The following RPRD2 variants were observed in gnomAD, a reference collection of about 807,000 sequenced individuals.
RPRD2 encodes the protein regulation of nuclear pre-mRNA domain containing 2, also known as regulation of nuclear pre-mRNA domain-containing protein 2.
A neutral mutation model predicts 104.4 loss-of-function variants in RPRD2; 12 were observed. The ratio of observed to expected loss-of-function variants is 0.11; its 90% CI spans 0.07 to 0.19. RPRD2 has a LOEUF of 0.19. Among genes scored for constraint, RPRD2 ranks in the 10% least tolerant of loss-of-function variants. RPRD2 has a pLI of 1.00. For missense variants in RPRD2, 1,543 were observed against 1,790.1 expected (o/e 0.86, Z 2.49); for synonymous variants, 714 against 684.9 (o/e 1.04, Z -0.66).
intron 7 of RPRD2, among the ~76,000 whole-genome samples, chr1:150,450,745 C>G (rs1667111422): frequency 6.6e-6 from 1 of 151,732 alleles, no homozygotes; most frequent in African/African-American, 2.4e-5. Context: ...CTCAGCCTCC[C>G]GAATAGGTGG....
intron 1 of RPRD2, among the ~76,000 whole-genome samples, chr1:150,393,225 T>C (rs1415686446): frequency 6.6e-6 from 1 of 151,594 alleles, no homozygotes; most frequent in Non-Finnish European, 1.5e-5. Context: ...ATCACAGCAT[T>C]TCAGGAGGGT....
chr1:150,409,047 T>C (rs1214900978), intron 1 of RPRD2: 2 of 152,218 alleles, frequency 1.3e-5, no homozygotes, highest in African/African-American at 4.8e-5. Context: ...AAGGTAGACA[T>C]AAAATGTAAA....
intron 1 of RPRD2, among the ~76,000 whole-genome samples, chr1:150,412,030 C>T (rs1282699084): frequency 2.7e-5 from 4 of 145,722 alleles, no homozygotes; most frequent in African/African-American, 7.5e-5. Flanking sequence ...GGCTGAGGCA[C>T]AAGAATCACT....
intron 1 of RPRD2, among the ~76,000 whole-genome samples, chr1:150,399,698 G>A (rs1484111951): frequency 6.6e-6 from 1 of 151,674 alleles, no homozygotes; most frequent in South Asian, 2.1e-4. Flanking sequence ...CAGAGGTTGC[G>A]GTGAGCAGAG....
chr1:150,460,160 A>G lies in RPRD2; in HGVS notation c.1254A>G (p.Pro418=), dbSNP rs781879488. 257 of 1,613,882 alleles carry G rather than the reference A, an allele frequency of 1.6e-4. No individual in the cohort carries two copies. The highest frequency in any genetic ancestry group is 2.1e-4 in the Non-Finnish European group (242 of 1,179,886). Residue 418 remains proline (P), a synonymous_variant, in exon 9 of 11, where the codon CCA becomes CCG. Transcript: ENST00000369068. The stretch of plus-strand genomic sequence containing the variant: ...TCTCAAAGGCCTCTTCATGTACCCC[A>G]GTGCCTGTGACCATGACAGCAACTC... The part of the protein sequence containing the change: ...ENISKASSCT[P]VPVTMTATPP...
At chr1:150,369,231 G>A (rs1211416430) in intron 1 of RPRD2, among the ~76,000 whole-genome samples, 1 of 152,250 alleles carries the variant, frequency 6.6e-6, no homozygotes, top group South Asian at 2.1e-4. Context: ...TGGACTTGAT[G>A]TGCAATTTGC....
intron 7 of RPRD2, among the ~76,000 whole-genome samples, chr1:150,449,214 A>G (rs1020252859): frequency 2.0e-5 from 3 of 152,254 alleles, no homozygotes; most frequent in East Asian, 3.8e-4. Context: ...TTCAGCTTTT[A>G]GGAAATGTAT....
At chr1:150,413,225 G>A (rs1258494284) in intron 1 of RPRD2, among the ~76,000 whole-genome samples, 1 of 152,058 alleles carries the variant, frequency 6.6e-6, no homozygotes, top group African/African-American at 2.4e-5. Flanking sequence ...ATAGGTGTAG[G>A]GGGATAAGGA....
chr1:150,365,543 A>G (rs898446533), intron 1 of RPRD2, among the ~76,000 whole-genome samples: 5 of 152,194 alleles, frequency 3.3e-5, no homozygotes, highest in Non-Finnish European at 5.9e-5. Context: ...CAACTGCGAT[A>G]CAGTAGTCAG....
At chr1:150,401,886 G>A (rs782064317) in intron 1 of RPRD2, among the ~76,000 whole-genome samples, 11 of 150,874 alleles carry the variant, frequency 7.3e-5, no homozygotes, top group African/African-American at 1.7e-4. Flanking sequence ...CTCGTGATCC[G>A]CCTGCCTTGG....
intron 10 of RPRD2, among the ~76,000 whole-genome samples, chr1:150,468,896 C>T (rs1378986485): frequency 6.7e-6 from 1 of 149,890 alleles, no homozygotes; most frequent in Non-Finnish European, 1.5e-5. Flanking sequence ...AAAAAGGAAA[C>T]TATTAGTAGG....
chr1:150,439,297 G>C (rs1666247424), intron 2 of RPRD2, among the ~76,000 whole-genome samples: 1 of 152,076 alleles, frequency 6.6e-6, no homozygotes, highest in Admixed American at 6.6e-5. Context: ...CACACACATA[G>C]TCAGGCATAC....
At position 150,471,817 on chromosome 1, in the gene RPRD2, T is replaced by C. The variant is rs1005640600; in HGVS notation, c.2869T>C (p.Leu957=). 1 of 1,613,886 alleles carries C rather than the reference T, an allele frequency of 6.2e-7. No homozygotes were observed. Among genetic ancestry groups the C allele is most frequent in the Non-Finnish European group, 8.5e-7 (1 of 1,179,880 alleles). Residue 957 remains leucine (L), a synonymous_variant, in exon 11 of 11, where the codon TTG becomes CTG. Coordinates refer to ENST00000369068, the MANE Select transcript of RPRD2 (RefSeq NM_015203.5). The surrounding 1 kb of genome is among the most constrained non-coding windows in gnomAD (Gnocchi z 5.3). ...TCAATCTACCACTGGGCATCTCAGT[T>C]TGCCACAGAAGCAGTACCCAGACTC... ...LSQSTTGHLS[L]PQKQYPDSPH...
intron 7 of RPRD2, among the ~76,000 whole-genome samples, chr1:150,453,880 T>C (rs1667355158): frequency 6.6e-6 from 1 of 152,218 alleles, no homozygotes; most frequent in African/African-American, 2.4e-5. Flanking sequence ...GCTGGTCATA[T>C]TAATTAAATC....
At chr1:150,431,545 A>G (rs1478788214) in intron 2 of RPRD2, among the ~76,000 whole-genome samples, 3 of 141,374 alleles carry the variant, frequency 2.1e-5, no homozygotes, top group Admixed American at 1.6e-4. Flanking sequence ...CAACAGCACA[A>G]TCTCGGCTCG....
intron 1 of RPRD2, among the ~76,000 whole-genome samples, chr1:150,389,121 C>T (rs782188173): frequency 2.0e-5 from 3 of 152,180 alleles, no homozygotes; most frequent in Middle Eastern, 6.8e-3. Context: ...ACTGCAGCCT[C>T]GACCTCTCGG....
intron 2 of RPRD2, among the ~76,000 whole-genome samples, chr1:150,424,949 G>A (rs1553890321): frequency 6.6e-6 from 1 of 151,892 alleles, no homozygotes; most frequent in Non-Finnish European, 1.5e-5. Context: ...CTAGTTTCCC[G>A]GTTTGTGTTA....
In RPRD2 at chr1:150,364,372, A is replaced by G. The variant is rs1553876711; in HGVS notation, c.-343A>G. ...ACTGAGAGCCGAAAAGTATAAAACG[A>G]TTAGTTTCGGCGTCAGGCGTTTTGA... On this transcript the variant is annotated 5_prime_UTR_variant, in exon 1 of 11. Coordinates refer to ENST00000369068, the MANE Select transcript of RPRD2 (RefSeq NM_015203.5). Among the ~76,000 whole-genome samples the G allele has an allele frequency of 6.6e-6, 1 of 152,098 alleles. No individual in the cohort carries two copies. The highest frequency in any genetic ancestry group is 1.9e-4 in the East Asian group (1 of 5,196).
At chr1:150,394,517 AT>A (rs1399942495) in intron 1 of RPRD2, among the ~76,000 whole-genome samples, 1 of 152,206 alleles carries the variant, frequency 6.6e-6, no homozygotes, top group Non-Finnish European at 1.5e-5. Context: ...ATGCGGCAAG[AT>A]ATTAACGATT....
Sources: gnomAD v4.1 joint callset for allele counts (sites outside exome capture counted in the v4.1 genomes callset) on GRCh38, gnomAD v4.1.1 for gene constraint, Gnocchi (gnomAD v3.1) non-coding constraint, MANE v1.5 for transcripts, NCBI Gene and HGNC (gene_info 2026-07-23, HGNC 2026-07-21) for gene names.